HTR1F: variants seen among roughly 807,000 people sequenced by gnomAD.
HTR1F encodes the protein 5-hydroxytryptamine (serotonin) receptor 1F, G protein-coupled.
Under a neutral mutation model 24.0 loss-of-function variants are expected in HTR1F, and 17 were observed. That is an observed-to-expected ratio of 0.71 (90% CI 0.48 to 1.06). HTR1F has a LOEUF of 1.06. Ranked by LOEUF, HTR1F falls within the 50% of genes least tolerant of loss-of-function variation. HTR1F has a pLI of 0.00. For synonymous variants in HTR1F, 186 were observed against 156.8 expected, an observed-to-expected ratio of 1.19 and a Z score of -1.39; for missense variants, 391 against 427.8, an observed-to-expected ratio of 0.91 and a Z score of 0.76.
chr3:87,869,162 A>G (rs988487741), intron 2 of HTR1F, among the ~76,000 whole-genome samples: 1 of 152,088 alleles, frequency 6.6e-6, no homozygotes, highest in Non-Finnish European at 1.5e-5. Flanking sequence ...ACAAACATAT[A>G]TAATAGAAAA....
At position 87,991,689 on chromosome 3, in the gene HTR1F, T is replaced by A. The variant is rs1294618773; in HGVS notation, c.940T>A (p.Leu314Ile). Residue 314 changes from leucine to isoleucine, a missense_variant, in exon 3 of 3, where the codon TTA becomes ATA. Leu to Ile is a conservative substitution (Grantham distance 5). Transcript: ENST00000319595. ...ICWLPFFVKE[L>I]VVNVCDKCKI... ...TTGGCTTCCTTTTTTTGTAAAAGAA[T>A]TAGTTGTTAATGTCTGTGACAAATG... 6.2e-7 allele frequency: 1 copy of A among 1,613,746 alleles called. No homozygotes were observed. Among genetic ancestry groups the A allele is most frequent in the Non-Finnish European group, 8.5e-7 (1 of 1,179,852 alleles).
At chr3:87,832,639 T>C (rs1340102473) in intron 2 of HTR1F, among the ~76,000 whole-genome samples, 1 of 152,178 alleles carries the variant, frequency 6.6e-6, no homozygotes, top group African/African-American at 2.4e-5. Context: ...GAATACCCCT[T>C]CTTGTAAGAA....
chr3:87,944,990 T>C (rs1327892056), intron 2 of HTR1F, among the ~76,000 whole-genome samples: 3 of 152,214 alleles, frequency 2.0e-5, no homozygotes, highest in Non-Finnish European at 4.4e-5. Context: ...AAGTTTACCC[T>C]GGCTTTTAAA....
rs116959265 is a variant in HTR1F at position 87,975,491 on chromosome 3, G to A, written c.-42-15217G>A. ...AATGTGTCCTAATTATCTTGGAGCT[G>A]AATCTCAGTGTTAGTATGTTAATTA... On this transcript the variant is annotated intron_variant, in intron 2 of 2. Transcript: ENST00000319595. 2.7e-4 allele frequency among the ~76,000 whole-genome samples: 41 copies of A among 152,246 alleles called. 1 individual carries two copies. The East Asian group carries it at 7.9e-3, about 29-fold the overall frequency.
chr3:87,877,592 G>A (rs777079898), intron 2 of HTR1F, among the ~76,000 whole-genome samples: 37 of 152,168 alleles, frequency 2.4e-4, no homozygotes, highest in Non-Finnish European at 4.4e-4. Context: ...AACATGAAAA[G>A]GGCACTGTTA....
chr3:87,933,686 T>C (rs960787807), intron 2 of HTR1F, among the ~76,000 whole-genome samples: 1 of 152,166 alleles, frequency 6.6e-6, no homozygotes, highest in Non-Finnish European at 1.5e-5. Context: ...TACAAACCAC[T>C]GCTCAATGAA....
At chr3:87,965,440 T>C (rs1338586862) in intron 2 of HTR1F, among the ~76,000 whole-genome samples, 1 of 152,164 alleles carries the variant, frequency 6.6e-6, no homozygotes, top group Non-Finnish European at 1.5e-5. Context: ...CCAAAGGATA[T>C]AAGTATTGTC....
At chr3:87,817,237 GACAGAT>G (rs1272643322) in intron 1 of HTR1F, among the ~76,000 whole-genome samples, 4 of 152,084 alleles carry the variant, frequency 2.6e-5, no homozygotes, top group Non-Finnish European at 5.9e-5. Flanking sequence ...TCATGCGGGA[GACAGAT>G]ACTCCGTTTG....
chr3:87,842,432 G>A (rs571461860), intron 2 of HTR1F, among the ~76,000 whole-genome samples: 20 of 151,836 alleles, frequency 1.3e-4, no homozygotes, highest in South Asian at 6.2e-4. Flanking sequence ...AAAGTGCTGC[G>A]ATTACAGGTG....
At chr3:87,866,392 C>A in intron 2 of HTR1F, among the ~76,000 whole-genome samples, 1 of 152,138 alleles carries the variant, frequency 6.6e-6, no homozygotes, top group Non-Finnish European at 1.5e-5. Context: ...TATCTTAGCT[C>A]TAATGCACCC....
At chr3:87,802,914 C>T (rs1704017680) in intron 1 of HTR1F, among the ~76,000 whole-genome samples, 1 of 152,146 alleles carries the variant, frequency 6.6e-6, no homozygotes, top group Non-Finnish European at 1.5e-5. Flanking sequence ...CAACACAGCA[C>T]TAATAATTCA....
At chr3:87,939,305 G>T (rs1444427875) in intron 2 of HTR1F, among the ~76,000 whole-genome samples, 1 of 152,184 alleles carries the variant, frequency 6.6e-6, no homozygotes, top group Non-Finnish European at 1.5e-5. Flanking sequence ...TCGCGTTGAT[G>T]TTCATCAGGG....
chr3:87,894,350 G>A (rs1316654974), intron 2 of HTR1F, among the ~76,000 whole-genome samples: 2 of 151,522 alleles, frequency 1.3e-5, no homozygotes, highest in Non-Finnish European at 1.5e-5. Flanking sequence ...TCTGCCTACA[G>A]GATTCAAGCC....
intron 1 of HTR1F, among the ~76,000 whole-genome samples, chr3:87,812,945 A>G (rs565305408): frequency 1.3e-5 from 2 of 152,350 alleles, no homozygotes; most frequent in East Asian, 3.9e-4. Flanking sequence ...ACCTCCACCT[A>G]TATTTCAGAG....
intron 1 of HTR1F, among the ~76,000 whole-genome samples, chr3:87,806,819 T>C (rs1293763044): frequency 1.3e-5 from 2 of 152,070 alleles, no homozygotes; most frequent in African/African-American, 2.4e-5. Context: ...GATTTTTGTT[T>C]ATGGTGAGAG....
chr3:87,885,153 A>G (rs1705906862), intron 2 of HTR1F, among the ~76,000 whole-genome samples: 1 of 152,218 alleles, frequency 6.6e-6, no homozygotes, highest in African/African-American at 2.4e-5. Context: ...CTCAGACCAC[A>G]GTGCAATCAA....
intron 2 of HTR1F, among the ~76,000 whole-genome samples, chr3:87,844,703 G>C (rs1400773987): frequency 1.4e-5 from 2 of 140,596 alleles, no homozygotes; most frequent in Non-Finnish European, 3.0e-5. Context: ...ATTAATTTTT[G>C]TATAAGGTGT....
At chr3:87,940,634 T>A (rs984147832) in intron 2 of HTR1F, among the ~76,000 whole-genome samples, 1 of 152,090 alleles carries the variant, frequency 6.6e-6, no homozygotes, top group Non-Finnish European at 1.5e-5. Flanking sequence ...CTACTTTAAA[T>A]TTCTTATGGA....
At chr3:87,901,458 C>A (rs962261814) in intron 2 of HTR1F, among the ~76,000 whole-genome samples, 3 of 152,120 alleles carry the variant, frequency 2.0e-5, no homozygotes, top group African/African-American at 4.8e-5. Context: ...ACACCTTGAT[C>A]TGGGACTTCG....
Sources: allele counts gnomAD v4.1 joint callset (sites outside exome capture counted in the v4.1 genomes callset), GRCh38; gene constraint gnomAD v4.1.1; transcripts MANE v1.5; gene names NCBI Gene and HGNC (gene_info 2026-07-23, HGNC 2026-07-21).